The following RBAK variants were observed in gnomAD, a reference collection of about 807,000 sequenced individuals.
RBAK encodes the protein RB associated KRAB zinc finger.
In RBAK, 39 loss-of-function variants were observed where a neutral mutation model predicts 65.8. That is an observed-to-expected ratio of 0.59 (90% confidence interval 0.46 to 0.77). The LOEUF is 0.77. Among genes scored for constraint, RBAK ranks in the 30% least tolerant of loss-of-function variants. RBAK has a pLI of 0.00. For missense variants in RBAK, 884 were observed against 855.1 expected (o/e 1.03, Z -0.42); for synonymous variants, 343 against 289.7 (o/e 1.18, Z -1.87).
rs1377501262 is a variant in RBAK, at chr7:5,064,213, A to C, written c.757A>C (p.Arg253=). 1.2e-6 allele frequency: 2 copies of C among 1,613,936 alleles called. No individual in the cohort carries two copies. Among genetic ancestry groups the C allele is most frequent in the Non-Finnish European group, 1.7e-6 (2 of 1,179,990 alleles). ...GATGTCAAATTTTAATGCATATCAGAGATCACAAATGGAAATGAAGCCCTT... is the reference window on the plus strand; with the variant it reads ...GATGTCAAATTTTAATGCATATCAGCGATCACAAATGGAAATGAAGCCCTT... ...IQMSNFNAYQ[R]SQMEMKPFEC... Residue 253 remains arginine (R), a synonymous_variant, in exon 5 of 5, where the codon AGA becomes CGA. Transcript: ENST00000396912. The surrounding 1 kb of genome is among the most constrained non-coding windows in gnomAD (Gnocchi z 6.3).
Position 5,046,272 on chromosome 7 carries a change from C to T in RBAK, c.-169C>T, listed in dbSNP as rs765296643. 1 of 516,274 alleles carries T rather than the reference C, an allele frequency of 1.9e-6. No individual in the cohort carries two copies. Among genetic ancestry groups the T allele is most frequent in the Non-Finnish European group, 3.9e-6 (1 of 259,534 alleles). The allele number at this position is 516,274 out of a possible 1,614,324, so 32.0% of individuals were successfully genotyped here. ...CCCCTTAGGCCCGGCCCGGGCCCCT[C>T]GGGAGCAGAACAACCTTAGTGAGGT... On this transcript the variant is annotated 5_prime_UTR_variant, in exon 1 of 5. Coordinates refer to ENST00000396912, the MANE Select transcript of RBAK (RefSeq NM_021163.4).
At chr7:5,061,785 C>T (rs965914711) in intron 4 of RBAK, among the ~76,000 whole-genome samples, 8 of 151,792 alleles carry the variant, frequency 5.3e-5, no homozygotes, top group African/African-American at 1.9e-4. Context: ...GTAATCCCAG[C>T]TACTTGGGAG....
intron 2 of RBAK, chr7:5,057,077 T>A (rs1016297698): frequency 4.0e-5 from 8 of 202,018 alleles, no homozygotes; most frequent in Non-Finnish European, 5.2e-5. Context: ...TATATATTTT[T>A]TATATATATT....
At chr7:5,049,658 A>G (rs952686620) in intron 2 of RBAK, among the ~76,000 whole-genome samples, 4 of 152,182 alleles carry the variant, frequency 2.6e-5, no homozygotes, top group African/African-American at 7.2e-5. Context: ...TTTTAAAAAG[A>G]TTCGTCTGTA....
At chr7:5,046,619 C>T (rs1787991431) in intron 1 of RBAK, among the ~76,000 whole-genome samples, 1 of 152,210 alleles carries the variant, frequency 6.6e-6, no homozygotes, top group Non-Finnish European at 1.5e-5. Context: ...GCCTCAGCTG[C>T]GGACGTCGTC....
intron 2 of RBAK, among the ~76,000 whole-genome samples, chr7:5,051,927 A>G (rs1186395359): frequency 6.6e-6 from 1 of 152,176 alleles, no homozygotes; most frequent in Non-Finnish European, 1.5e-5. Flanking sequence ...TGTGTTGTTC[A>G]GGTGTATTAT....
intron 2 of RBAK, among the ~76,000 whole-genome samples, chr7:5,056,356 G>A (rs942174058): frequency 6.6e-6 from 1 of 151,730 alleles, no homozygotes; most frequent in African/African-American, 2.4e-5. Flanking sequence ...GAGCTCAAAC[G>A]ATCTTCCCAT....
At chr7:5,061,948 G>C (rs536254442) in intron 4 of RBAK, among the ~76,000 whole-genome samples, 99 of 151,324 alleles carry the variant, frequency 6.5e-4, no homozygotes, top group African/African-American at 2.3e-3. Flanking sequence ...TGTTTCTTTT[G>C]GACATTCACA....
At chr7:5,059,519 A>G (rs1779017064) in intron 4 of RBAK, among the ~76,000 whole-genome samples, 1 of 152,078 alleles carries the variant, frequency 6.6e-6, no homozygotes, top group Non-Finnish European at 1.5e-5. Flanking sequence ...AAAAAACCAC[A>G]CATAACATAC....
In RBAK at chr7:5,048,251, C is replaced by T. The variant is rs1339965699; in HGVS notation, c.15+160C>T. ...GCAGTGGCATGATCTCGCTTCACTG[C>T]AACCTCCACCTCCTGGGTTCAAGCG... is the stretch of plus-strand genomic sequence containing the variant. On this transcript the variant is annotated intron_variant, in intron 2 of 4. Transcript: ENST00000396912. The surrounding 1 kb of genome is among the most constrained non-coding windows in gnomAD (Gnocchi z 4.4). Among the ~76,000 whole-genome samples, 1 of 151,912 alleles carries T rather than the reference C, an allele frequency of 6.6e-6. No homozygotes were observed. Among genetic ancestry groups the T allele is most frequent in the Non-Finnish European group, 1.5e-5 (1 of 68,020 alleles).
intron 4 of RBAK, among the ~76,000 whole-genome samples, chr7:5,058,826 G>C (rs1377417020): frequency 1.3e-5 from 2 of 152,048 alleles, no homozygotes; most frequent in Non-Finnish European, 2.9e-5. Context: ...CACTTTTTTG[G>C]TTTTCTTTGT....
At position 5,066,670 on chromosome 7, in the gene RBAK, T is replaced by C. The variant is rs768055557; in HGVS notation, c.*1069T>C. The C allele has an allele frequency of 1.3e-5, 2 of 152,200 alleles. No individual in the cohort carries two copies. Among genetic ancestry groups the C allele is most frequent in the Non-Finnish European group, 2.9e-5 (2 of 68,014 alleles). 9.4% of individuals were successfully genotyped at this position (152,200 alleles called of 1,614,324 possible). ...CAAATTGATTCAAGTTTCTAGCAGA[T>C]ATTTTTTGATCAATTAACTTAATGT... On this transcript the variant is annotated 3_prime_UTR_variant, in exon 5 of 5. Transcript: ENST00000396912.
Position 5,064,674 on chromosome 7 carries a change from T to C in RBAK, c.1218T>C (p.Cys406=). Residue 406 remains cysteine, a synonymous_variant, in exon 5 of 5, where the codon TGT becomes TGC. Coordinates refer to ENST00000396912, the MANE Select transcript of RBAK (RefSeq NM_021163.4). This position sits in a 1 kb window ranked among gnomAD's most constrained non-coding sequence, Gnocchi z 6.3. ...AGAAGCTTTATAAATGTAATGAATG[T>C]GGGAAATCCTACTACCGAAAGTCTA... ...TGEKLYKCNE[C]GKSYYRKSTL... 6.2e-7 allele frequency: 1 copy of C among 1,612,170 alleles called. No homozygotes were observed. Among genetic ancestry groups the C allele is most frequent in the East Asian group, 2.2e-5 (1 of 44,774 alleles).
intron 4 of RBAK, among the ~76,000 whole-genome samples, chr7:5,060,668 G>T (rs1348802427): frequency 6.6e-6 from 1 of 152,256 alleles, no homozygotes; most frequent in African/African-American, 2.4e-5. Flanking sequence ...GTACAGACTT[G>T]TGGCTGAGAA....
At chr7:5,056,104 CTTT>C (rs887932671) in intron 2 of RBAK, among the ~76,000 whole-genome samples, 3 of 107,906 alleles carry the variant, frequency 2.8e-5, no homozygotes, top group African/African-American at 3.8e-5. Flanking sequence ...TTGCATTTTT[CTTT>C]TTTTTTTTTT....
At position 5,048,476 on chromosome 7, in the gene RBAK, G is replaced by C. The variant is rs1018541250; in HGVS notation, c.15+385G>C. ...GGCATGAGCCACCGCGCCCAGCCAG[G>C]ATTCATACTTTAAAATGGGAATGTG... On this transcript the variant is annotated intron_variant, in intron 2 of 4. Coordinates refer to ENST00000396912, the MANE Select transcript of RBAK (RefSeq NM_021163.4). The surrounding 1 kb of genome is among the most constrained non-coding windows in gnomAD (Gnocchi z 4.4). Among the ~76,000 whole-genome samples the C allele has an allele frequency of 3.3e-5, 5 of 152,190 alleles. No homozygotes were observed. Among genetic ancestry groups the C allele is most frequent in the African/African-American group, 7.2e-5 (3 of 41,450 alleles).
intron 2 of RBAK, among the ~76,000 whole-genome samples, chr7:5,052,542 T>A (rs1417800875): frequency 1.3e-5 from 2 of 152,216 alleles, no homozygotes; most frequent in East Asian, 3.8e-4. Flanking sequence ...TTTTAGTGAG[T>A]TAGAATTTAT....
At chr7:5,063,174 A>G (rs111583800) in intron 4 of RBAK, among the ~76,000 whole-genome samples, 18,489 of 152,230 alleles carry the variant, frequency 0.12, 1,347 homozygotes, top group African/African-American at 0.2. Flanking sequence ...AGAAATTATG[A>G]AAGTATTAAT....
rs778410068 is a variant in RBAK at position 5,065,250 on chromosome 7, C to T, written c.1794C>T (p.Tyr598=). 20 of 1,613,640 alleles carry T rather than the reference C, an allele frequency of 1.2e-5. 1 individual carries two copies. The highest frequency in any genetic ancestry group is 1.6e-4 in the Middle Eastern group (1 of 6,082). The part of the protein sequence containing the change: ...VHTGEKPYEC[Y]ECGKFFSQKS... ...CAGGCGAGAAACCCTATGAATGTTA[C>T]GAATGTGGAAAATTCTTCTCTCAGA... Residue 598 remains tyrosine (Y), a synonymous_variant, in exon 5 of 5, where the codon TAC becomes TAT. Transcript: ENST00000396912. This position sits in a 1 kb window ranked among gnomAD's most constrained non-coding sequence, Gnocchi z 5.3.
Sources: allele counts gnomAD v4.1 joint callset (sites outside exome capture counted in the v4.1 genomes callset), GRCh38; gene constraint gnomAD v4.1.1; non-coding constraint Gnocchi (gnomAD v3.1); transcripts MANE v1.5; gene names NCBI Gene and HGNC (gene_info 2026-07-23, HGNC 2026-07-21).